NBAS: variants seen among roughly 807,000 people sequenced by gnomAD.
The protein encoded by NBAS is NBAS subunit of NRZ tethering complex.
In NBAS, 219 loss-of-function variants were observed where a neutral mutation model predicts 302.5. That is an observed-to-expected ratio of 0.72 (90% CI 0.65 to 0.81). NBAS has a LOEUF of 0.81. Among genes scored for constraint, NBAS ranks in the 30% least tolerant of loss-of-function variants. The pLI is 0.00. For missense variants in NBAS, 2,932 were observed against 2,841.6 expected, an observed-to-expected ratio of 1.03 and a Z score of -0.72; for synonymous variants, 1,118 against 1,021.6, an observed-to-expected ratio of 1.09 and a Z score of -1.80.
the NBAS span, among the ~76,000 whole-genome samples, chr2:14,848,587 G>C: frequency 2.3e-4 from 32 of 139,568 alleles, 1 homozygote; most frequent in Admixed American, 1.1e-3. Context: ...AGCTCAAGGA[G>C]GCCTGCCTGC....
At chr2:15,179,792 AG>A (rs1558413920) in intron 50 of NBAS, 4 of 152,372 alleles carry the variant, frequency 2.6e-5, no homozygotes, top group African/African-American at 9.6e-5. Flanking sequence ...TTTTATTCTC[AG>A]CCCTGTATTT....
chr2:15,455,449 T>C (rs1679207420), intron 21 of NBAS, among the ~76,000 whole-genome samples: 1 of 152,142 alleles, frequency 6.6e-6, no homozygotes, highest in Admixed American at 6.5e-5. Flanking sequence ...GTGAATAGTA[T>C]ATAAGAATTA....
intron 11 of NBAS, among the ~76,000 whole-genome samples, chr2:15,491,032 G>C (rs1680834291): frequency 6.6e-6 from 1 of 152,122 alleles, no homozygotes; most frequent in African/African-American, 2.4e-5. Context: ...ATGACCGAAA[G>C]CACTGAATAA....
rs756945702 is a variant in NBAS, at chr2:15,275,517, A to C, written c.5691T>G (p.Asp1897Glu). The part of the protein sequence containing the change: ...LHPGDLITVV[D>E]AVTFSPKAVT... ...CAGCTTTTGGAGAAAATGTAACTGCATCTACCACAGTGATGAGGTCACCTG... is the reference window on the plus strand; with the variant it reads ...CAGCTTTTGGAGAAAATGTAACTGCCTCTACCACAGTGATGAGGTCACCTG... Residue 1897 changes from aspartate (D) to glutamate (E), a missense_variant, in exon 44 of 52, where the codon GAT becomes GAG. Coordinates refer to ENST00000281513, the MANE Select transcript of NBAS (RefSeq NM_015909.4). 1 of 1,614,112 alleles carries C rather than the reference A, an allele frequency of 6.2e-7. No individual in the cohort carries two copies. Among genetic ancestry groups the C allele is most frequent in the South Asian group, 1.1e-5 (1 of 91,034 alleles).
At chr2:14,881,222 A>G in the NBAS span, among the ~76,000 whole-genome samples, 3 of 152,194 alleles carry the variant, frequency 2.0e-5, no homozygotes, top group Admixed American at 6.5e-5. Flanking sequence ...TGACATATCT[A>G]TGGCGGCCAT....
At chr2:15,082,288 T>G in the NBAS span, among the ~76,000 whole-genome samples, 1 of 152,192 alleles carries the variant, frequency 6.6e-6, no homozygotes, top group African/African-American at 2.4e-5. Flanking sequence ...CATGAATTCA[T>G]GTATTCAACA....
chr2:15,402,144 G>A (rs946255981), intron 26 of NBAS, 24 bp downstream of exon 26: 2 of 1,612,742 alleles, frequency 1.2e-6, no homozygotes, highest in Non-Finnish European at 8.5e-7. Flanking sequence ...AACACAATAA[G>A]ACTGGCATAC....
intron 9 of NBAS, among the ~76,000 whole-genome samples, chr2:15,527,558 G>A (rs1662969603): frequency 6.6e-6 from 1 of 152,192 alleles, no homozygotes; most frequent in South Asian, 2.1e-4. Flanking sequence ...ATGGCAGAAG[G>A]CAGAAAGACA....
the NBAS span, among the ~76,000 whole-genome samples, chr2:14,925,320 C>T: frequency 3.9e-5 from 6 of 152,132 alleles, no homozygotes; most frequent in African/African-American, 7.2e-5. Context: ...CTCTTTTTCC[C>T]GCCTTAGAGA....
chr2:14,848,086 G>C, the NBAS span, among the ~76,000 whole-genome samples: 8 of 151,904 alleles, frequency 5.3e-5, no homozygotes, highest in African/African-American at 1.2e-4. Flanking sequence ...CAAGATGGCC[G>C]AATAGGAACA....
chr2:15,081,858 G>A, the NBAS span, among the ~76,000 whole-genome samples: 2 of 152,188 alleles, frequency 1.3e-5, no homozygotes, highest in Non-Finnish European at 2.9e-5. Context: ...AAGAGAGGGT[G>A]CATATTTGGC....
chr2:15,011,758 C>A, the NBAS span, among the ~76,000 whole-genome samples: 1 of 152,148 alleles, frequency 6.6e-6, no homozygotes, highest in African/African-American at 2.4e-5. Flanking sequence ...GCCACCACTA[C>A]CACAAACAAT....
the NBAS span, among the ~76,000 whole-genome samples, chr2:15,000,346 A>G: frequency 6.6e-6 from 1 of 152,198 alleles, no homozygotes; most frequent in Non-Finnish European, 1.5e-5. Context: ...TTTTCAATAC[A>G]TAAAACCACT....
chr2:15,157,980 C>T, the NBAS span, among the ~76,000 whole-genome samples: 3 of 152,242 alleles, frequency 2.0e-5, no homozygotes, highest in Non-Finnish European at 2.9e-5. Flanking sequence ...CTCCTAGTCC[C>T]GGGCTCTGGC....
chr2:14,854,868 A>G, the NBAS span, among the ~76,000 whole-genome samples: 1 of 152,194 alleles, frequency 6.6e-6, no homozygotes, highest in Non-Finnish European at 1.5e-5. Flanking sequence ...CTCATAGGTG[A>G]GTCCTAGTGA....
intron 26 of NBAS, among the ~76,000 whole-genome samples, chr2:15,398,293 G>T (rs901950784): frequency 2.0e-5 from 3 of 152,044 alleles, no homozygotes; most frequent in African/African-American, 7.2e-5. Flanking sequence ...AAAGCTGTAC[G>T]CTACCAAACC....
At chr2:15,070,246 C>T in the NBAS span, among the ~76,000 whole-genome samples, 1 of 152,138 alleles carries the variant, frequency 6.6e-6, no homozygotes, top group Non-Finnish European at 1.5e-5. Flanking sequence ...ACAGCTGTTT[C>T]TTCAGATGTC....
intron 35 of NBAS, among the ~76,000 whole-genome samples, chr2:15,347,766 A>G (rs962189890): frequency 6.6e-6 from 1 of 152,226 alleles, no homozygotes; most frequent in Non-Finnish European, 1.5e-5. Context: ...TGTTCCATCT[A>G]AAAAGCATAA....
the NBAS span, among the ~76,000 whole-genome samples, chr2:15,045,715 T>G: frequency 6.6e-6 from 1 of 152,236 alleles, no homozygotes; most frequent in African/African-American, 2.4e-5. Flanking sequence ...TTTAATTTCC[T>G]TCAGGTATAT....
Sources: allele counts gnomAD v4.1 joint callset (sites outside exome capture counted in the v4.1 genomes callset), GRCh38; gene constraint gnomAD v4.1.1; transcripts MANE v1.5; gene names NCBI Gene and HGNC (gene_info 2026-07-23, HGNC 2026-07-21).